The following GPAM variants were observed in gnomAD, a reference collection of about 807,000 sequenced individuals.
GPAM encodes the protein glycerol-3-phosphate acyltransferase, mitochondrial.
A neutral mutation model predicts 105.0 loss-of-function variants in GPAM; 56 were observed. That is an observed-to-expected ratio of 0.53 (90% CI 0.43 to 0.67). The LOEUF (loss-of-function observed/expected upper bound fraction) is 0.67. GPAM is among the 30% of genes least tolerant of loss of function. The pLI is 0.00. For missense variants in GPAM, 855 were observed against 989.8 expected (o/e 0.86, Z 1.83); for synonymous variants, 368 against 354.4 (o/e 1.04, Z -0.43).
chr10:112,196,527 G>A (rs1847726089), intron 1 of GPAM, among the ~76,000 whole-genome samples: 1 of 152,050 alleles, frequency 6.6e-6, no homozygotes. Flanking sequence ...CAAAAGAAAA[G>A]GCCTCCAAAG....
Position 112,151,270 on chromosome 10 carries a change from G to A in GPAM, c.*2280C>T. On this transcript the variant is annotated 3_prime_UTR_variant, in exon 22 of 22. Coordinates refer to ENST00000348367, the MANE Select transcript of GPAM (RefSeq NM_001244949.2). ...ATCACTGTTGGAAAACAATGAGAAT[G>A]TATCTTTTAGCAAAACGGTGCTATC... is the stretch of plus-strand genomic sequence containing the variant. The A allele has an allele frequency of 1.0e-6, 1 of 985,754 alleles. No individual in the cohort carries two copies. Among genetic ancestry groups the A allele is most frequent in the Non-Finnish European group, 1.2e-6 (1 of 829,846 alleles). 61.1% of individuals were successfully genotyped at this position (985,754 alleles called of 1,614,324 possible). A position where few individuals can be genotyped will look rare whatever the true frequency, so the allele number is the denominator to read the frequency against.
chr10:112,220,255 T>C (rs1005384211), upstream of GPAM, among the ~76,000 whole-genome samples: 1 of 152,298 alleles, frequency 6.6e-6, no homozygotes, highest in South Asian at 2.1e-4. Context: ...AGAAAAACCC[T>C]AGCCTCTGAA....
chr10:112,197,966 G>A (rs1178231563), intron 1 of GPAM, among the ~76,000 whole-genome samples: 10 of 152,062 alleles, frequency 6.6e-5, no homozygotes, highest in Non-Finnish European at 1.0e-4. Context: ...TAATTATTGT[G>A]AACCATTAAT....
intron 12 of GPAM, among the ~76,000 whole-genome samples, chr10:112,165,212 A>T (rs1847192806): frequency 6.6e-6 from 1 of 152,150 alleles, no homozygotes; most frequent in Admixed American, 6.5e-5. Context: ...TGGGCTCCCT[A>T]CTTCTGTACC....
chr10:112,216,187 T>C (rs1044098257), upstream of GPAM, among the ~76,000 whole-genome samples: 3 of 152,230 alleles, frequency 2.0e-5, no homozygotes, highest in African/African-American at 7.2e-5. Flanking sequence ...GGTCTTGATA[T>C]ATTAGAGCTC....
the GPAM span, among the ~76,000 whole-genome samples, chr10:112,226,245 C>T: frequency 1.3e-5 from 2 of 152,210 alleles, no homozygotes; most frequent in Non-Finnish European, 2.9e-5. Flanking sequence ...CCTGAGCACC[C>T]ACTATGTTCT....
At chr10:112,201,325 T>C (rs962750086) in intron 1 of GPAM, among the ~76,000 whole-genome samples, 1 of 152,212 alleles carries the variant, frequency 6.6e-6, no homozygotes, top group African/African-American at 2.4e-5. Context: ...ACAAATATCA[T>C]AGAATAAGGT....
chr10:112,161,733 A>G lies in GPAM; in HGVS notation c.1428T>C (p.Ala476=), dbSNP rs1368032045. The G allele has an allele frequency of 1.2e-6, 2 of 1,613,888 alleles. No homozygotes were observed. The highest frequency in any genetic ancestry group is 3.3e-5 in the Admixed American group (2 of 60,006). The change falls in exon 15 of 22, where the codon GCT becomes GCC. Residue 476 remains alanine, a synonymous_variant. Transcript: ENST00000348367. ...TGGACATAATGGCACAGGACTTGCT[A>G]GCAGCTGGAAGGCAAACACAAAGCT... ...ANLAEHILFT[A]SKSCAIMSTH...
intron 7 of GPAM, among the ~76,000 whole-genome samples, chr10:112,173,346 C>T (rs140150233): frequency 2.0e-5 from 3 of 152,180 alleles, no homozygotes; most frequent in African/African-American, 7.2e-5. Flanking sequence ...AAGCAAATGA[C>T]CAAGGCGAAT....
rs561073906 is a variant in GPAM at position 112,152,482 on chromosome 10, T to C, written c.*1068A>G. On this transcript the variant is annotated 3_prime_UTR_variant, in exon 22 of 22. Coordinates refer to ENST00000348367, the MANE Select transcript of GPAM (RefSeq NM_001244949.2). ...ATTACCAGTCAGTAGGGCCACCACA[T>C]GCATATACTGGACAGGTTGTGCACG... The C allele has an allele frequency of 5.1e-6, 5 of 985,146 alleles. No individual in the cohort carries two copies. The highest frequency in any genetic ancestry group is 2.3e-4 in the East Asian group (2 of 8,810). The allele number at this position is 985,146 out of a possible 1,614,324, so 61.0% of individuals were successfully genotyped here.
At chr10:112,195,126 C>T (rs1403141575) in intron 1 of GPAM, among the ~76,000 whole-genome samples, 5 of 152,038 alleles carry the variant, frequency 3.3e-5, no homozygotes, top group Non-Finnish European at 4.4e-5. Flanking sequence ...GAAAATGCAG[C>T]GTGCCAAATG....
Position 112,172,273 on chromosome 10 carries a change from C to T in GPAM, c.703G>A (p.Asp235Asn). 1 of 1,610,854 alleles carries T rather than the reference C, an allele frequency of 6.2e-7. No homozygotes were observed. Among genetic ancestry groups the T allele is most frequent in the African/African-American group, 1.3e-5 (1 of 74,948 alleles). The change falls in exon 9 of 22, where the codon GAC (aspartate) becomes AAC (asparagine). Residue 235 changes from aspartate (D) to asparagine (N), a missense_variant. Asp to Asn is a conservative substitution (Grantham distance 23). Coordinates refer to ENST00000348367, the MANE Select transcript of GPAM (RefSeq NM_001244949.2). ...LFLPVHRSHI[D>N]YLLLTFILFC... ...AGAATGAAAGTGAGCAGCAGATAGTCAATATGGGATCTATGAACTGGTAGA... is the reference window on the plus strand; with the variant it reads ...AGAATGAAAGTGAGCAGCAGATAGTTAATATGGGATCTATGAACTGGTAGA...
Position 112,161,716 on chromosome 10 carries a change from A to T in GPAM, c.1445T>A (p.Ile482Asn), listed in dbSNP as rs1847127878. ...ILFTASKSCA[I>N]MSTHIVACLL... Reference sequence around the variant, plus strand: ...GCAAGCCACAATGTGTGTGGACATAATGGCACAGGACTTGCTAGCAGCTGG... The same window carrying T: ...GCAAGCCACAATGTGTGTGGACATATTGGCACAGGACTTGCTAGCAGCTGG... The change falls in exon 15 of 22, where the codon ATT becomes AAT. Residue 482 changes from isoleucine (I) to asparagine (N), a missense_variant. By Grantham distance (149) the Ile-to-Asn change is moderately radical. Transcript: ENST00000348367. 6.2e-7 allele frequency: 1 copy of T among 1,614,088 alleles called. No individual in the cohort carries two copies. The highest frequency in any genetic ancestry group is 1.3e-5 in the African/African-American group (1 of 75,060).
At chr10:112,202,774 C>T (rs1847812571) in intron 1 of GPAM, among the ~76,000 whole-genome samples, 1 of 152,194 alleles carries the variant, frequency 6.6e-6, no homozygotes, top group Non-Finnish European at 1.5e-5. Flanking sequence ...CTCAAGCAAA[C>T]TTATGAGTCA....
upstream of GPAM, among the ~76,000 whole-genome samples, chr10:112,187,161 A>C (rs1042802562): frequency 3.9e-5 from 6 of 152,204 alleles, no homozygotes; most frequent in African/African-American, 1.4e-4. Flanking sequence ...ATTCAAAAGA[A>C]GGCAGTAAAT....
In GPAM at chr10:112,164,344, A is replaced by G. The variant is rs2803612; in HGVS notation, c.1307+181T>C. 8.9e-3 allele frequency among the ~76,000 whole-genome samples: 1,363 copies of G among 152,360 alleles called. 22 individuals carry two copies. The highest frequency in any genetic ancestry group is 0.031 in the African/African-American group (1,295 of 41,582). ...ATCAAAAAGTTATAAGCAAATAATT[A>G]AAAACTTCCAAACTAATATGAAAAC... On this transcript the variant is annotated intron_variant, in intron 13 of 21. Transcript: ENST00000348367.
rs1380368291 is a variant in GPAM, at chr10:112,157,063, C to T, written c.2121+186G>A. 36 of 646,632 alleles carry T rather than the reference C, an allele frequency of 5.6e-5. No individual in the cohort carries two copies. The East Asian group carries it at 9.0e-4, about 16-fold the overall frequency. The allele number at this position is 646,632 out of a possible 1,614,324, so 40.1% of individuals were successfully genotyped here. ...TCCTGACTTTTCAGACTCTCCTTTCCTTTTCTACTTAAAATGCTATTAATT... is the reference window on the plus strand; with the variant it reads ...TCCTGACTTTTCAGACTCTCCTTTCTTTTTCTACTTAAAATGCTATTAATT... On this transcript the variant is annotated intron_variant, in intron 19 of 21. Transcript: ENST00000348367.
At chr10:112,181,306 C>T (rs1030502771) in intron 3 of GPAM, among the ~76,000 whole-genome samples, 7 of 151,800 alleles carry the variant, frequency 4.6e-5, no homozygotes, top group African/African-American at 9.7e-5. Context: ...TGAATTCATA[C>T]TATAAGTTCC....
chr10:112,218,475 T>C (rs946296758), upstream of GPAM, among the ~76,000 whole-genome samples: 5 of 151,712 alleles, frequency 3.3e-5, no homozygotes, highest in African/African-American at 7.3e-5. Context: ...CTGGGTAGGA[T>C]GGTATAAGAA....
Sources: gnomAD v4.1 joint callset for allele counts (sites outside exome capture counted in the v4.1 genomes callset) on GRCh38, gnomAD v4.1.1 for gene constraint, MANE v1.5 for transcripts, NCBI Gene and HGNC (gene_info 2026-07-23, HGNC 2026-07-21) for gene names.